The following AIG1 variants were observed in gnomAD, a reference collection of about 807,000 sequenced individuals.
AIG1 encodes the protein androgen induced 1.
Under a neutral mutation model 31.4 loss-of-function variants are expected in AIG1, and 23 were observed. That is an observed-to-expected ratio of 0.73 (90% CI 0.53 to 1.04). The LOEUF (loss-of-function observed/expected upper bound fraction) is 1.04. AIG1 is among the 50% of genes least tolerant of loss of function. AIG1 has a pLI of 0.00. For synonymous variants in AIG1, 100 were observed against 110.5 expected (o/e 0.90, Z 0.60); for missense variants, 274 against 295.0 (o/e 0.93, Z 0.52).
chr6:143,072,475 G>A (rs894698242), intron 1 of AIG1, among the ~76,000 whole-genome samples: 1 of 152,086 alleles, frequency 6.6e-6, no homozygotes, highest in Non-Finnish European at 1.5e-5. Flanking sequence ...AGGTAGATGA[G>A]GAGAGAGCAG....
At chr6:143,103,698 G>A (rs1396213335) in intron 1 of AIG1, among the ~76,000 whole-genome samples, 4 of 151,418 alleles carry the variant, frequency 2.6e-5, no homozygotes, top group Non-Finnish European at 5.9e-5. Flanking sequence ...TAGTAGAGAC[G>A]GGGTTTCACC....
At chr6:143,320,934 G>T (rs1046673151) in intron 4 of AIG1, among the ~76,000 whole-genome samples, 2 of 150,556 alleles carry the variant, frequency 1.3e-5, no homozygotes, top group Non-Finnish European at 2.9e-5. Flanking sequence ...CGATTCTCCT[G>T]CCTCAGCCTC....
chr6:143,260,016 T>G (rs1169338727), intron 3 of AIG1, among the ~76,000 whole-genome samples: 2 of 137,822 alleles, frequency 1.5e-5, no homozygotes, highest in East Asian at 2.7e-4. Flanking sequence ...TTCTTGTGCT[T>G]CTTTTTTTTT....
chr6:143,222,515 C>G (rs1792609152), intron 3 of AIG1, among the ~76,000 whole-genome samples: 1 of 152,110 alleles, frequency 6.6e-6, no homozygotes, highest in African/African-American at 2.4e-5. Context: ...CATTTCAGCT[C>G]TGCCACTGTC....
rs754176774 is a variant in AIG1 at position 143,129,506 on chromosome 6, G to C, written c.142-7329G>C. The stretch of plus-strand genomic sequence containing the variant: ...ACTGCTGTGTTAGATGACACCATTG[G>C]GTAAGAAGATGAATCAACTGTAGAA... On this transcript the variant is annotated intron_variant, in intron 1 of 5. Coordinates refer to ENST00000357847, the MANE Select transcript of AIG1 (RefSeq NM_016108.4). 2.6e-5 allele frequency among the ~76,000 whole-genome samples: 4 copies of C among 152,110 alleles called. No individual in the cohort carries two copies. The East Asian group carries it at 7.8e-4, about 29-fold the overall frequency.
intron 1 of AIG1, among the ~76,000 whole-genome samples, chr6:143,112,490 G>C (rs141808697): frequency 0.015 from 2,231 of 152,238 alleles, 27 homozygotes; most frequent in Non-Finnish European, 0.021. Flanking sequence ...TAGGCACTAT[G>C]TTAGGCTCTA....
chr6:143,114,753 T>C (rs1781595680), intron 1 of AIG1, among the ~76,000 whole-genome samples: 1 of 152,242 alleles, frequency 6.6e-6, no homozygotes, highest in Non-Finnish European at 1.5e-5. Context: ...TGGAGTATTC[T>C]GGCTAAATGC....
chr6:143,174,664 T>C (rs964783502), intron 3 of AIG1, among the ~76,000 whole-genome samples: 1 of 152,046 alleles, frequency 6.6e-6, no homozygotes, highest in African/African-American at 2.4e-5. Flanking sequence ...TGCCATTTTG[T>C]GTCTGTCTTT....
At chr6:143,191,071 A>C (rs1421656765) in intron 3 of AIG1, among the ~76,000 whole-genome samples, 1 of 152,176 alleles carries the variant, frequency 6.6e-6, no homozygotes, top group Non-Finnish European at 1.5e-5. Context: ...GGTTCAAAAA[A>C]TGTGGGTATT....
rs146587400 is a variant in AIG1 at position 143,128,987 on chromosome 6, G to A, written c.142-7848G>A. Among the ~76,000 whole-genome samples the A allele has an allele frequency of 3.3e-3, 499 of 152,220 alleles. 1 individual carries two copies. The highest frequency in any genetic ancestry group is 5.8e-3 in the Non-Finnish European group (397 of 67,984). ...CCAAACATGTCCTCTTTGTCTCCTT[G>A]TGTTTAGAAAATAGGAAAAAATGGC... On this transcript the variant is annotated intron_variant, in intron 1 of 5. Transcript: ENST00000357847.
At chr6:143,189,769 T>C in intron 3 of AIG1, 1 of 984,846 alleles carries the variant, frequency 1.0e-6, no homozygotes, top group Non-Finnish European at 1.2e-6. Flanking sequence ...ATATGAGTCA[T>C]TTTAAATGTA....
chr6:143,101,530 T>C (rs1780280128), intron 1 of AIG1, among the ~76,000 whole-genome samples: 1 of 152,094 alleles, frequency 6.6e-6, no homozygotes, highest in African/African-American at 2.4e-5. Context: ...GGGAGGAGAC[T>C]GGAGACTCTT....
At chr6:143,228,126 T>C (rs1478430304) in intron 3 of AIG1, among the ~76,000 whole-genome samples, 1 of 152,108 alleles carries the variant, frequency 6.6e-6, no homozygotes, top group East Asian at 1.9e-4. Flanking sequence ...CCTGCACCAG[T>C]CCCTGTGTTA....
At chr6:143,136,383 T>C (rs1272205724) in intron 1 of AIG1, among the ~76,000 whole-genome samples, 1 of 152,240 alleles carries the variant, frequency 6.6e-6, no homozygotes, top group Non-Finnish European at 1.5e-5. Flanking sequence ...TGAATTGTCT[T>C]GTTATTCAGA....
intron 4 of AIG1, among the ~76,000 whole-genome samples, chr6:143,285,589 G>A (rs1255861888): frequency 1.3e-5 from 2 of 151,630 alleles, no homozygotes; most frequent in East Asian, 2.0e-4. Context: ...TCTTGAACCC[G>A]GGAGACAGAA....
At chr6:143,177,319 T>A (rs746932508) in intron 3 of AIG1, among the ~76,000 whole-genome samples, 3 of 152,206 alleles carry the variant, frequency 2.0e-5, no homozygotes, top group Non-Finnish European at 4.4e-5. Context: ...GGTCTGTTAC[T>A]TAGAGAATTG....
At chr6:143,194,358 C>T (rs948293183) in intron 3 of AIG1, among the ~76,000 whole-genome samples, 4 of 152,170 alleles carry the variant, frequency 2.6e-5, no homozygotes, top group Non-Finnish European at 4.4e-5. Context: ...AAACTGCCCC[C>T]ATGATCCCAT....
chr6:143,265,605 A>G (rs1266985532), intron 3 of AIG1, among the ~76,000 whole-genome samples: 1 of 152,210 alleles, frequency 6.6e-6, no homozygotes, highest in African/African-American at 2.4e-5. Context: ...AATTGTTTCC[A>G]TTCCCCAAAG....
At chr6:143,178,878 C>T (rs915048304) in intron 3 of AIG1, among the ~76,000 whole-genome samples, 1 of 152,128 alleles carries the variant, frequency 6.6e-6, no homozygotes, top group Non-Finnish European at 1.5e-5. Flanking sequence ...GTTATGGCCC[C>T]AGAAATCACA....
Sources: allele counts gnomAD v4.1 joint callset (sites outside exome capture counted in the v4.1 genomes callset), GRCh38; gene constraint gnomAD v4.1.1; transcripts MANE v1.5; gene names NCBI Gene and HGNC (gene_info 2026-07-23, HGNC 2026-07-21).